Variants in KCNAB1 observed in about 807,000 individuals in gnomAD.
The protein encoded by KCNAB1 is potassium voltage-gated channel subfamily A regulatory beta subunit 1, also known as voltage-gated potassium channel subunit beta-1.
Under a neutral mutation model 64.6 loss-of-function variants are expected in KCNAB1, and 35 were observed. That is an observed-to-expected ratio of 0.54 (90% CI 0.41 to 0.72). KCNAB1 has a LOEUF of 0.72. Among genes scored for constraint, KCNAB1 ranks in the 30% least tolerant of loss-of-function variants. KCNAB1 has a pLI of 0.00. For synonymous variants in KCNAB1, 177 were observed against 183.8 expected (o/e 0.96, Z 0.30); for missense variants, 401 against 512.9 (o/e 0.78, Z 2.11).
At chr3:156,485,279 A>T (rs1438062388) in intron 8 of KCNAB1, among the ~76,000 whole-genome samples, 1 of 152,148 alleles carries the variant, frequency 6.6e-6, no homozygotes, top group African/African-American at 2.4e-5. Flanking sequence ...GAGAAATTAA[A>T]AACTTATAGA....
intron 1 of KCNAB1, among the ~76,000 whole-genome samples, chr3:156,289,082 C>T (rs1720250595): frequency 6.6e-6 from 1 of 152,206 alleles, no homozygotes; most frequent in Non-Finnish European, 1.5e-5. Flanking sequence ...ATGTTTCATT[C>T]TAATAACCTA....
chr3:156,427,154 T>TG (rs1425260044), intron 2 of KCNAB1, among the ~76,000 whole-genome samples: 1 of 152,008 alleles, frequency 6.6e-6, no homozygotes, highest in Non-Finnish European at 1.5e-5. Flanking sequence ...GGATTGGGCA[T>TG]GGGGGTGGAT....
At chr3:156,433,056 C>T (rs1716342350) in intron 2 of KCNAB1, among the ~76,000 whole-genome samples, 1 of 152,124 alleles carries the variant, frequency 6.6e-6, no homozygotes, top group South Asian at 2.1e-4. Flanking sequence ...TAAAGCACGG[C>T]CAGGCACTTT....
At chr3:156,215,530 G>GGGTT (rs1715264528) in intron 1 of KCNAB1, 1 of 152,252 alleles carries the variant, frequency 6.6e-6, no homozygotes, top group African/African-American at 2.4e-5. Flanking sequence ...TTTGACTTGG[G>GGGTT]GGTTGGTGGT....
chr3:156,435,336 A>T lies in KCNAB1; in HGVS notation c.319+13677A>T, dbSNP rs1255544808. 2.0e-5 allele frequency among the ~76,000 whole-genome samples: 3 copies of T among 152,218 alleles called. No individual in the cohort carries two copies. The East Asian group carries it at 5.8e-4, about 29-fold the overall frequency. The stretch of plus-strand genomic sequence containing the variant: ...GGTTGAGAAAAGTGGGGCAGGTTTG[A>T]AATGCACACATTGGAGAAAACTGAC... On this transcript the variant is annotated intron_variant, in intron 2 of 13. Coordinates refer to ENST00000490337, the MANE Select transcript of KCNAB1 (RefSeq NM_172160.3).
intron 1 of KCNAB1, among the ~76,000 whole-genome samples, chr3:156,379,703 A>G (rs1189716989): frequency 6.6e-6 from 1 of 152,126 alleles, no homozygotes; most frequent in African/African-American, 2.4e-5. Flanking sequence ...ATGGAGGGAA[A>G]TGGGACTTCA....
intron 8 of KCNAB1, among the ~76,000 whole-genome samples, chr3:156,488,917 G>A (rs1432123136): frequency 1.3e-5 from 2 of 152,120 alleles, no homozygotes; most frequent in Non-Finnish European, 2.9e-5. Context: ...GAGCGTGACT[G>A]AAAGAAAAGA....
intron 1 of KCNAB1, among the ~76,000 whole-genome samples, chr3:156,295,570 T>A (rs1207006687): frequency 6.6e-6 from 1 of 152,130 alleles, no homozygotes; most frequent in African/African-American, 2.4e-5. Context: ...TGGTTATTGT[T>A]TGAAGGCAGA....
chr3:156,157,067 A>G (rs1329966702), intron 1 of KCNAB1, among the ~76,000 whole-genome samples: 2 of 152,132 alleles, frequency 1.3e-5, no homozygotes, highest in Non-Finnish European at 2.9e-5. Context: ...AGAGAGAAAG[A>G]TCAAGTATGT....
chr3:156,312,846 C>T (rs900434438), intron 1 of KCNAB1, among the ~76,000 whole-genome samples: 2 of 152,090 alleles, frequency 1.3e-5, no homozygotes, highest in African/African-American at 4.8e-5. Flanking sequence ...GCCCTCTCCC[C>T]AAGGTTTGTG....
At chr3:156,280,119 T>C (rs1719607017) in intron 1 of KCNAB1, among the ~76,000 whole-genome samples, 2 of 148,258 alleles carry the variant, frequency 1.3e-5, no homozygotes, top group South Asian at 4.4e-4. Flanking sequence ...TTTAAGTCTT[T>C]AATCCATCTT....
intron 1 of KCNAB1, among the ~76,000 whole-genome samples, chr3:156,420,992 GTATTA>G (rs970627293): frequency 1.7e-4 from 26 of 148,708 alleles, no homozygotes; most frequent in East Asian, 1.6e-3. Flanking sequence ...ATATATCTAT[GTATTA>G]TATTATAATA....
rs1490395675 is a variant in KCNAB1 at position 156,392,486 on chromosome 3, ACTC to A, written c.276-29127_276-29125del. On this transcript the variant is annotated intron_variant, in intron 1 of 13. Transcript: ENST00000490337. The stretch of plus-strand genomic sequence containing the variant: ...CTAATTTCTGATGCTTATGCTTTCT[ACTC>A]CTAGCCTTACTGTACTGGTTCAGTC... 2.6e-5 allele frequency among the ~76,000 whole-genome samples: 4 copies of A among 152,122 alleles called. No individual in the cohort carries two copies. In the East Asian group the frequency reaches 5.8e-4, roughly 22 times the overall value.
intron 1 of KCNAB1, chr3:156,175,962 C>G (rs1484230632): frequency 1.1e-5 from 11 of 1,004,954 alleles, no homozygotes; most frequent in South Asian, 6.3e-5. Context: ...GCAGCTCATA[C>G]AGTATTCTCC....
rs528195025 is a variant in KCNAB1 at position 156,126,580 on chromosome 3, T to A, written c.275+5694T>A. The stretch of plus-strand genomic sequence containing the variant: ...AGTGAAGTGTAGCTGGGCCTGGTGA[T>A]GAAAAAGCTCTGGAGTCTGGTGGCC... On this transcript the variant is annotated intron_variant, in intron 1 of 13. Transcript: ENST00000490337. Among the ~76,000 whole-genome samples the A allele has an allele frequency of 1.6e-4, 24 of 152,232 alleles. No homozygotes were observed. The South Asian group carries it at 5.0e-3, about 32-fold the overall frequency.
intron 1 of KCNAB1, among the ~76,000 whole-genome samples, chr3:156,167,860 T>C (rs1711699684): frequency 6.6e-6 from 1 of 152,204 alleles, no homozygotes; most frequent in Non-Finnish European, 1.5e-5. Flanking sequence ...TTTTGATATC[T>C]ATTAAATGAG....
At chr3:156,512,829 C>T (rs1362496046) in intron 8 of KCNAB1, among the ~76,000 whole-genome samples, 2 of 152,210 alleles carry the variant, frequency 1.3e-5, no homozygotes, top group Non-Finnish European at 2.9e-5. Context: ...AACTATTTTG[C>T]TTATAAGCCA....
chr3:156,268,060 C>A (rs1301805224), intron 1 of KCNAB1, among the ~76,000 whole-genome samples: 2 of 151,250 alleles, frequency 1.3e-5, no homozygotes, highest in African/African-American at 2.4e-5. Context: ...CTCTGGTAAC[C>A]ATCATTCTAT....
In KCNAB1 at chr3:156,135,938, A is replaced by G. The variant is rs569793566; in HGVS notation, c.275+15052A>G. 3.3e-5 allele frequency among the ~76,000 whole-genome samples: 5 copies of G among 152,378 alleles called. No homozygotes were observed. The South Asian group carries it at 6.2e-4, about 19-fold the overall frequency. On this transcript the variant is annotated intron_variant, in intron 1 of 13. Coordinates refer to ENST00000490337, the MANE Select transcript of KCNAB1 (RefSeq NM_172160.3). Reference sequence around the variant, plus strand: ...CTTGCTAGATGAAGAACAAATAAGCATCATTCAGATAATCTCTCATTTCTC... The same window carrying G: ...CTTGCTAGATGAAGAACAAATAAGCGTCATTCAGATAATCTCTCATTTCTC...
Sources: gnomAD v4.1 joint callset for allele counts (sites outside exome capture counted in the v4.1 genomes callset) on GRCh38, gnomAD v4.1.1 for gene constraint, MANE v1.5 for transcripts, NCBI Gene and HGNC (gene_info 2026-07-23, HGNC 2026-07-21) for gene names.